Variants in CDH10 observed in about 807,000 individuals in gnomAD.
CDH10 encodes cadherin-10.
CDH10 carries 30 observed loss-of-function variants against 73.1 expected under a neutral mutation model. That is an observed-to-expected ratio of 0.41 (90% CI 0.31 to 0.56). The LOEUF (loss-of-function observed/expected upper bound fraction) is 0.56, where lower values mean the gene tolerates loss of function less well. CDH10 is among the 20% of genes least tolerant of loss of function. The pLI is 0.27. For synonymous variants in CDH10, 345 were observed against 348.2 expected (o/e 0.99, Z 0.10); for missense variants, 815 against 973.7 (o/e 0.84, Z 2.17).
chr5:24,614,983 G>T (rs1747080910), intron 1 of CDH10, among the ~76,000 whole-genome samples: 1 of 152,166 alleles, frequency 6.6e-6, no homozygotes, highest in African/African-American at 2.4e-5. Flanking sequence ...AGCACCAGGA[G>T]CATCTACATA....
chr5:24,625,444 G>C (rs866771833), intron 1 of CDH10, among the ~76,000 whole-genome samples: 17 of 151,646 alleles, frequency 1.1e-4, no homozygotes, highest in African/African-American at 3.9e-4. Flanking sequence ...AATGTGATTA[G>C]ATATAATAAA....
rs148038367 is a variant in CDH10 at position 24,621,608 on chromosome 5, A to C, written c.-124+22986T>G. 1.1e-3 allele frequency among the ~76,000 whole-genome samples: 171 copies of C among 152,330 alleles called. 1 individual carries two copies. The highest frequency in any genetic ancestry group is 3.8e-3 in the African/African-American group (158 of 41,574). On this transcript the variant is annotated intron_variant, in intron 1 of 11. Coordinates refer to ENST00000264463, the MANE Select transcript of CDH10 (RefSeq NM_006727.5). ...GCATAGGCAATGTGGAGAGATTTCTATTTTAAATTGGAAAGTCTGGGGAAG... is the reference window on the plus strand; with the variant it reads ...GCATAGGCAATGTGGAGAGATTTCTCTTTTAAATTGGAAAGTCTGGGGAAG...
At chr5:24,547,301 G>T (rs988347772) in intron 2 of CDH10, among the ~76,000 whole-genome samples, 6 of 152,218 alleles carry the variant, frequency 3.9e-5, no homozygotes, top group Admixed American at 1.3e-4. Context: ...ATAAATCACA[G>T]AAAATCATAT....
chr5:24,555,307 C>G (rs966849322), intron 2 of CDH10, among the ~76,000 whole-genome samples: 2 of 152,038 alleles, frequency 1.3e-5, no homozygotes, highest in African/African-American at 4.8e-5. Flanking sequence ...TCTTTCCTTA[C>G]AAGCCTGACC....
At chr5:24,573,536 C>T (rs1435881803) in intron 2 of CDH10, among the ~76,000 whole-genome samples, 1 of 151,714 alleles carries the variant, frequency 6.6e-6, no homozygotes, top group Non-Finnish European at 1.5e-5. Context: ...CCCGACTCTA[C>T]TAAAAATACA....
At chr5:24,566,684 A>G (rs976994440) in intron 2 of CDH10, among the ~76,000 whole-genome samples, 4 of 152,070 alleles carry the variant, frequency 2.6e-5, no homozygotes, top group Non-Finnish European at 5.9e-5. Context: ...ACCTATTTAT[A>G]TATTATTATG....
At chr5:24,570,188 C>A (rs535475492) in intron 2 of CDH10, among the ~76,000 whole-genome samples, 10 of 152,144 alleles carry the variant, frequency 6.6e-5, no homozygotes, top group African/African-American at 1.9e-4. Flanking sequence ...ATTTTAACAC[C>A]AATAAAGTAT....
intron 10 of CDH10, 68 bp from the exon 11 acceptor site, chr5:24,491,895 G>GT (rs1189436658): frequency 1.1e-5 from 10 of 890,148 alleles, no homozygotes; most frequent in African/African-American, 1.7e-5. Context: ...GATCACCAAG[G>GT]TTTAACATAT....
chr5:24,522,528 G>A (rs1188283961), intron 5 of CDH10, among the ~76,000 whole-genome samples: 1 of 151,352 alleles, frequency 6.6e-6, no homozygotes, highest in Non-Finnish European at 1.5e-5. Context: ...AAAAAAGTCT[G>A]GGATGACAGG....
chr5:24,508,826 T>C (rs936660865), intron 7 of CDH10, among the ~76,000 whole-genome samples: 9 of 152,214 alleles, frequency 5.9e-5, no homozygotes, highest in African/African-American at 2.2e-4. Flanking sequence ...GCCTACTTTA[T>C]AATTTTAAAA....
At chr5:24,489,485 A>G (rs1741970760) in intron 11 of CDH10, among the ~76,000 whole-genome samples, 1 of 152,156 alleles carries the variant, frequency 6.6e-6, no homozygotes, top group South Asian at 2.1e-4. Context: ...CTAAATTCAT[A>G]TATTTATGCA....
chr5:24,539,597 C>T (rs1744079060), intron 2 of CDH10, among the ~76,000 whole-genome samples: 1 of 151,932 alleles, frequency 6.6e-6, no homozygotes, highest in African/African-American at 2.4e-5. Context: ...ATTAAGAAAA[C>T]CCCAAATGGG....
At position 24,565,853 on chromosome 5, in the gene CDH10, A is replaced by T. The variant is rs370265262; in HGVS notation, c.231+27407T>A. Among the ~76,000 whole-genome samples, 35 of 152,176 alleles carry T rather than the reference A, an allele frequency of 2.3e-4. No homozygotes were observed. The East Asian group carries it at 3.9e-3, about 17-fold the overall frequency. On this transcript the variant is annotated intron_variant, in intron 2 of 11. Transcript: ENST00000264463. ...GCAACCATCTGCAAGTCAGGAAGAC[A>T]GCATTCATCAAAAACAATCCTGGTG...
chr5:24,548,862 A>T (rs562998516), intron 2 of CDH10, among the ~76,000 whole-genome samples: 1 of 152,282 alleles, frequency 6.6e-6, no homozygotes, highest in South Asian at 2.1e-4. Context: ...TACAAGAATA[A>T]AAGTAGAGAT....
chr5:24,527,455 C>T (rs1042495639), intron 5 of CDH10, among the ~76,000 whole-genome samples: 1 of 151,362 alleles, frequency 6.6e-6, no homozygotes, highest in Non-Finnish European at 1.5e-5. Context: ...TCATGTTTCA[C>T]TTAACAGGGA....
At chr5:24,535,406 T>C (rs1743915895) in intron 4 of CDH10, 127 bp from the exon 5 acceptor site, 7 of 879,396 alleles carry the variant, frequency 8.0e-6, no homozygotes, top group Non-Finnish European at 1.2e-5. Context: ...CTCGTTTTTA[T>C]TGTCTAGAAA....
chr5:24,639,184 C>T (rs1024936281), intron 1 of CDH10, among the ~76,000 whole-genome samples: 3 of 151,476 alleles, frequency 2.0e-5, no homozygotes, highest in African/African-American at 7.3e-5. Context: ...CATTATGGTG[C>T]CTCATTTAAA....
chr5:24,533,057 G>T (rs559299375), intron 5 of CDH10, among the ~76,000 whole-genome samples: 1 of 152,132 alleles, frequency 6.6e-6, no homozygotes, highest in East Asian at 1.9e-4. Flanking sequence ...TAACAAAAAA[G>T]ATAACTTAGA....
intron 2 of CDH10, among the ~76,000 whole-genome samples, chr5:24,558,999 C>G (rs530491102): frequency 6.6e-5 from 10 of 151,890 alleles, no homozygotes; most frequent in South Asian, 6.2e-4. Flanking sequence ...CTCTTAAAAG[C>G]AGTTGCTTGG....
Sources: allele counts gnomAD v4.1 joint callset (sites outside exome capture counted in the v4.1 genomes callset), GRCh38; gene constraint gnomAD v4.1.1; transcripts MANE v1.5; gene names NCBI Gene and HGNC (gene_info 2026-07-23, HGNC 2026-07-21).